Variants in NIPAL3 observed in about 807,000 individuals in gnomAD.
NIPAL3 encodes the protein NIPA-like protein 3.
A neutral mutation model predicts 47.2 loss-of-function variants in NIPAL3; 41 were observed. That is an observed-to-expected ratio of 0.87 (90% CI 0.68 to 1.13). The LOEUF (loss-of-function observed/expected upper bound fraction) is 1.13. Among genes scored for constraint, NIPAL3 ranks in the 50% most tolerant of loss-of-function variants. The pLI, the probability that NIPAL3 is intolerant of heterozygous loss-of-function variation, is 0.00. For missense variants in NIPAL3, 449 were observed against 530.1 expected (o/e 0.85, Z 1.50); for synonymous variants, 194 against 209.6 (o/e 0.93, Z 0.64).
intron 2 of NIPAL3, among the ~76,000 whole-genome samples, chr1:24,420,496 C>T (rs370616961): frequency 6.6e-6 from 1 of 151,744 alleles, no homozygotes; most frequent in Non-Finnish European, 1.5e-5. Flanking sequence ...CAGAGCAAGA[C>T]CCTGATGCCA....
At chr1:24,459,798 C>G (rs371742061) in intron 9 of NIPAL3, among the ~76,000 whole-genome samples, 2 of 152,306 alleles carry the variant, frequency 1.3e-5, no homozygotes, top group East Asian at 1.9e-4. Context: ...GGTCAAGAAG[C>G]GTGAAGTCCA....
chr1:24,461,683 G>A (rs990956867), intron 10 of NIPAL3, among the ~76,000 whole-genome samples: 8 of 151,216 alleles, frequency 5.3e-5, no homozygotes, highest in African/African-American at 7.3e-5. Context: ...CCTGGCCAAC[G>A]TGCTGAAACC....
At position 24,430,630 on chromosome 1, in the gene NIPAL3, C is replaced by T. The variant is rs538104496; in HGVS notation, c.94-9542C>T. Reference sequence around the variant, plus strand: ...ATGATAAACTATTTTCATCAGCTAACGATACAATCAGAGCCACCTTCATTT... The same window carrying T: ...ATGATAAACTATTTTCATCAGCTAATGATACAATCAGAGCCACCTTCATTT... On this transcript the variant is annotated intron_variant, in intron 2 of 11. Coordinates refer to ENST00000374399, the MANE Select transcript of NIPAL3 (RefSeq NM_020448.5). Among the ~76,000 whole-genome samples the T allele has an allele frequency of 1.9e-4, 29 of 152,312 alleles. No homozygotes were observed. The South Asian group carries it at 5.0e-3, about 26-fold the overall frequency.
At chr1:24,456,416 A>G in intron 8 of NIPAL3, 143 bp downstream of exon 8, 2 of 1,222,804 alleles carry the variant, frequency 1.6e-6, no homozygotes, top group Non-Finnish European at 2.3e-6. Flanking sequence ...AGGAGCTGCT[A>G]ATTTGCTGAG....
Position 24,456,493 on chromosome 1 carries a change from G to C in NIPAL3, c.773+220G>C, listed in dbSNP as rs139081634. Among the ~76,000 whole-genome samples the C allele has an allele frequency of 4.1e-3, 617 of 152,316 alleles. 2 individuals carry two copies. The highest frequency in any genetic ancestry group is 0.014 in the African/African-American group (600 of 41,564). ...AGGCCAGGCTCAGTGACCCACGCCT[G>C]TAATCCCAGCTCTTTGGGAGGCTGA... On this transcript the variant is annotated intron_variant, in intron 8 of 11. Transcript: ENST00000374399.
chr1:24,457,613 A>C (rs780270462), intron 8 of NIPAL3: 26 of 393,418 alleles, frequency 6.6e-5, no homozygotes, highest in African/African-American at 3.2e-4. Context: ...CCCATTTTGC[A>C]TACGAGGAAC....
At chr1:24,460,314 C>T (rs1209906248) in intron 9 of NIPAL3, among the ~76,000 whole-genome samples, 167 bp from the exon 10 acceptor site, 2 of 152,130 alleles carry the variant, frequency 1.3e-5, no homozygotes, top group Non-Finnish European at 2.9e-5. Context: ...AGTTGACAAC[C>T]TGATCCCCTA....
At chr1:24,462,708 A>G (rs1418922337) in intron 10 of NIPAL3, among the ~76,000 whole-genome samples, 1 of 152,174 alleles carries the variant, frequency 6.6e-6, no homozygotes, top group African/African-American at 2.4e-5. Context: ...CAGAGGTTGC[A>G]GTGAGCCAAG....
chr1:24,458,519 T>G (rs566532219), intron 8 of NIPAL3, among the ~76,000 whole-genome samples: 1 of 152,104 alleles, frequency 6.6e-6, no homozygotes, highest in Non-Finnish European at 1.5e-5. Flanking sequence ...CTGTAAGAGT[T>G]TCTGGGGGCA....
chr1:24,445,361 A>G (rs940796710), intron 5 of NIPAL3, 117 bp downstream of exon 5: 2 of 708,916 alleles, frequency 2.8e-6, no homozygotes, highest in African/African-American at 1.8e-5. Flanking sequence ...CTGTGGTTCT[A>G]TGTTCTGCCC....
chr1:24,458,347 A>G lies in NIPAL3; in HGVS notation c.774-541A>G, dbSNP rs532263551. ...ACTATGCAGAGAAAGGGCAAAGAAT[A>G]TCTTCCAAAACAAGGGTATTGTTTA... On this transcript the variant is annotated intron_variant, in intron 8 of 11. Transcript: ENST00000374399. 7.9e-5 allele frequency among the ~76,000 whole-genome samples: 12 copies of G among 152,362 alleles called. No homozygotes were observed. In the South Asian group the frequency reaches 2.5e-3, roughly 32 times the overall value.
At chr1:24,444,666 G>A (rs1049052190) in intron 4 of NIPAL3, among the ~76,000 whole-genome samples, 7 of 152,084 alleles carry the variant, frequency 4.6e-5, no homozygotes, top group Non-Finnish European at 8.8e-5. Flanking sequence ...CTATCCTTTC[G>A]GGCAGTCCCA....
intron 11 of NIPAL3, among the ~76,000 whole-genome samples, chr1:24,467,476 C>CA (rs1251082512): frequency 3.3e-5 from 5 of 151,586 alleles, no homozygotes; most frequent in South Asian, 4.2e-4. Flanking sequence ...GACTCCGTCT[C>CA]AAAAAAAATA....
rs1646879744 is a variant in NIPAL3, at chr1:24,470,910, A to G, written c.*1725A>G. Reference sequence around the variant, plus strand: ...ATTCAACAATATTTATAAGGCATTTACTGTGTGCTAAGCATTTGGAAGACC... The same window carrying G: ...ATTCAACAATATTTATAAGGCATTTGCTGTGTGCTAAGCATTTGGAAGACC... On this transcript the variant is annotated 3_prime_UTR_variant, in exon 12 of 12. Transcript: ENST00000374399. 6.6e-6 allele frequency: 1 copy of G among 152,210 alleles called. No individual in the cohort carries two copies. Among genetic ancestry groups the G allele is most frequent in the Non-Finnish European group, 1.5e-5 (1 of 68,056 alleles). 9.4% of individuals were successfully genotyped at this position (152,210 alleles called of 1,614,324 possible).
chr1:24,445,128 G>A, intron 4 of NIPAL3, 57 bp from the exon 5 acceptor site: 2 of 1,231,550 alleles, frequency 1.6e-6, no homozygotes, highest in Non-Finnish European at 2.4e-6. Context: ...TGGGTGAAGG[G>A]ATGCCCTTTA....
intron 8 of NIPAL3, 81 bp downstream of exon 8, chr1:24,456,354 A>G (rs1364379964): frequency 1.9e-6 from 3 of 1,580,020 alleles, no homozygotes; most frequent in Non-Finnish European, 2.6e-6. Context: ...TATGCTGTGA[A>G]GCCACAAGGA....
intron 2 of NIPAL3, among the ~76,000 whole-genome samples, chr1:24,420,293 G>A (rs1644268458): frequency 6.6e-6 from 1 of 152,056 alleles, no homozygotes; most frequent in Non-Finnish European, 1.5e-5. Flanking sequence ...CTTGAGGCCA[G>A]AAGTTTGAAA....
At chr1:24,443,251 G>A (rs1645487412) in intron 4 of NIPAL3, among the ~76,000 whole-genome samples, 1 of 151,772 alleles carries the variant, frequency 6.6e-6, no homozygotes, top group Non-Finnish European at 1.5e-5. Context: ...TCTTCTTAAA[G>A]AAAAGATGTT....
chr1:24,457,824 G>A, intron 8 of NIPAL3: 1 of 533,222 alleles, frequency 1.9e-6, no homozygotes, highest in Non-Finnish European at 3.8e-6. Context: ...TGTCTCTAGG[G>A]AAATGCCCGG....
Sources: allele counts gnomAD v4.1 joint callset (sites outside exome capture counted in the v4.1 genomes callset), GRCh38; gene constraint gnomAD v4.1.1; transcripts MANE v1.5; gene names NCBI Gene and HGNC (gene_info 2026-07-23, HGNC 2026-07-21).